Variants in DNAH5 observed in about 807,000 individuals in gnomAD.
DNAH5 encodes dynein axonemal heavy chain 5, also known as axonemal beta dynein heavy chain 5.
Under a neutral mutation model 518.2 loss-of-function variants are expected in DNAH5, and 372 were observed. The ratio of observed to expected loss-of-function variants is 0.72; its 90% CI spans 0.66 to 0.78. The LOEUF is 0.78. Among genes scored for constraint, DNAH5 ranks in the 30% least tolerant of loss-of-function variants. DNAH5 has a pLI of 0.00. For missense variants in DNAH5, 5,523 were observed against 5,687.0 expected, an observed-to-expected ratio of 0.97 and a Z score of 0.93; for synonymous variants, 2,039 against 2,025.9, an observed-to-expected ratio of 1.01 and a Z score of -0.17.
intron 31 of DNAH5, among the ~76,000 whole-genome samples, chr5:13,849,145 A>G: frequency 6.6e-6 from 1 of 152,254 alleles, no homozygotes; most frequent in East Asian, 1.9e-4. Flanking sequence ...CTTTCCTAAA[A>G]GTCCACAAAC....
intron 78 of DNAH5, 55 bp from the exon 79 acceptor site, chr5:13,692,190 G>A: frequency 6.3e-7 from 1 of 1,588,060 alleles, no homozygotes; most frequent in South Asian, 1.1e-5. Context: ...TAGAGCCCAA[G>A]GAGAATGCAG....
chr5:13,889,903 G>T (rs1488203037), intron 17 of DNAH5, among the ~76,000 whole-genome samples: 1 of 152,026 alleles, frequency 6.6e-6, no homozygotes, highest in African/African-American at 2.4e-5. Context: ...CTCCTAGTGG[G>T]GGTGGTCTTG....
chr5:13,982,083 G>C (rs975030091), intron 1 of DNAH5, among the ~76,000 whole-genome samples: 2 of 152,174 alleles, frequency 1.3e-5, no homozygotes, highest in Non-Finnish European at 2.9e-5. Context: ...TACTTCCCTC[G>C]TTATGCTTCA....
intron 31 of DNAH5, 85 bp from the exon 32 acceptor site, chr5:13,845,078 G>A: frequency 7.6e-7 from 1 of 1,324,058 alleles, no homozygotes; most frequent in Non-Finnish European, 1.1e-6. Context: ...GGGAAAAGGG[G>A]AGAAGATTGT....
chr5:13,869,013 A>T lies in DNAH5; in HGVS notation c.3835-1021T>A, dbSNP rs532667414. ...TGTTCTTAATTCCTAGGTGGGAGAA[A>T]ATAGGATTGTCAGTTACTGTACCTC... On this transcript the variant is annotated intron_variant, in intron 24 of 78. Coordinates refer to ENST00000265104, the MANE Select transcript of DNAH5 (RefSeq NM_001369.3). Among the ~76,000 whole-genome samples, 107 of 152,284 alleles carry T rather than the reference A, an allele frequency of 7.0e-4. 1 individual carries two copies. The Middle Eastern group carries it at 0.01, about 15-fold the overall frequency.
chr5:13,794,321 C>A (rs1191482418), intron 47 of DNAH5, among the ~76,000 whole-genome samples: 1 of 152,212 alleles, frequency 6.6e-6, no homozygotes, highest in Non-Finnish European at 1.5e-5. Context: ...CTCGTCTGTC[C>A]ATTTCTAAAA....
chr5:13,765,117 C>T (rs1752344196), intron 59 of DNAH5, among the ~76,000 whole-genome samples: 1 of 152,196 alleles, frequency 6.6e-6, no homozygotes, highest in Admixed American at 6.5e-5. Flanking sequence ...CTCTTCTCAA[C>T]TCTAGATTCA....
chr5:13,722,970 G>A (rs1203444909), intron 70 of DNAH5, among the ~76,000 whole-genome samples: 1 of 152,206 alleles, frequency 6.6e-6, no homozygotes, highest in Non-Finnish European at 1.5e-5. Flanking sequence ...CTAGGCCACT[G>A]GCAATGAAAT....
At position 13,713,440 on chromosome 5, in the gene DNAH5, T is replaced by TATATAC. The variant is rs1400899654; in HGVS notation, c.13125+964_13125+965insGTATAT. Reference sequence around the variant, plus strand: ...ATATATATATATACATCGACATATATATATATATATATATATATATATATA... The same window carrying TATATAC: ...ATATATATATATACATCGACATATATATATACATATATATATATATATATATATATA... On this transcript the variant is annotated intron_variant, in intron 75 of 78. Transcript: ENST00000265104. Among the ~76,000 whole-genome samples, 38 of 115,728 alleles carry TATATAC rather than the reference T, an allele frequency of 3.3e-4. 1 individual carries two copies. The highest frequency in any genetic ancestry group is 4.3e-4 in the Non-Finnish European group (26 of 59,946). 75.9% of individuals were successfully genotyped at this position (115,728 alleles called of 152,430 possible).
chr5:13,979,213 A>G (rs1010991137), intron 1 of DNAH5, among the ~76,000 whole-genome samples: 4 of 152,088 alleles, frequency 2.6e-5, no homozygotes, highest in African/African-American at 7.2e-5. Context: ...CTACATGTCC[A>G]GCAAGTCCCT....
At chr5:14,009,024 T>C (rs1471797979) in intron 1 of DNAH5, among the ~76,000 whole-genome samples, 4 of 152,230 alleles carry the variant, frequency 2.6e-5, no homozygotes, top group African/African-American at 7.2e-5. Flanking sequence ...AACTCAACAT[T>C]CTGGGAAATA....
At chr5:13,721,537 A>G (rs1295038825) in intron 70 of DNAH5, among the ~76,000 whole-genome samples, 1 of 152,200 alleles carries the variant, frequency 6.6e-6, no homozygotes, top group Non-Finnish European at 1.5e-5. Flanking sequence ...CTGCTAGACC[A>G]GAAAATAAAA....
At chr5:13,768,800 G>C (rs1015110671) in intron 58 of DNAH5, among the ~76,000 whole-genome samples, 160 bp downstream of exon 58, 5 of 152,188 alleles carry the variant, frequency 3.3e-5, no homozygotes, top group Non-Finnish European at 5.9e-5. Context: ...CCTATAAAGA[G>C]CTAATAAAGT....
At chr5:13,920,675 G>A (rs1459229220) in intron 5 of DNAH5, 58 bp from the exon 6 acceptor site, 1 of 1,597,470 alleles carries the variant, frequency 6.3e-7, no homozygotes, top group Non-Finnish European at 8.6e-7. Context: ...CACAGACTGT[G>A]GGCCCTGTGT....
intron 1 of DNAH5, among the ~76,000 whole-genome samples, chr5:13,981,619 C>T (rs561757143): frequency 3.3e-5 from 5 of 152,194 alleles, no homozygotes; most frequent in African/African-American, 4.8e-5. Flanking sequence ...CTGCTCTCAT[C>T]GGTGCTACCA....
chr5:13,793,738 A>G lies in DNAH5; in HGVS notation c.8011-10T>C, dbSNP rs1439825630. On this transcript the variant is annotated splice_polypyrimidine_tract_variant and intron_variant, in intron 48 of 78. Transcript: ENST00000265104. ...CTATCTCATTCGTAACCTACAAAAG[A>G]CAACTTTCAGAATTAAAGCATCATT... is the stretch of plus-strand genomic sequence containing the variant. 4 of 1,612,932 alleles carry G rather than the reference A, an allele frequency of 2.5e-6. No individual in the cohort carries two copies. The highest frequency in any genetic ancestry group is 3.4e-6 in the Non-Finnish European group (4 of 1,179,208).
intron 43 of DNAH5, among the ~76,000 whole-genome samples, chr5:13,813,248 A>G (rs1049649802): frequency 6.6e-6 from 1 of 152,214 alleles, no homozygotes; most frequent in African/African-American, 2.4e-5. Flanking sequence ...CTCAGTATGG[A>G]CAGACTATAG....
intron 31 of DNAH5, among the ~76,000 whole-genome samples, chr5:13,847,808 G>A (rs1580561001): frequency 1.3e-5 from 2 of 152,038 alleles, no homozygotes; most frequent in African/African-American, 4.8e-5. Context: ...GTGGTGGTGG[G>A]TGGAAGATGA....
intron 1 of DNAH5, among the ~76,000 whole-genome samples, chr5:13,997,693 C>T (rs1446217274): frequency 6.6e-6 from 1 of 152,212 alleles, no homozygotes; most frequent in Non-Finnish European, 1.5e-5. Flanking sequence ...TGCCCATTTC[C>T]CTGTTCTAAA....
Sources: allele counts gnomAD v4.1 joint callset (sites outside exome capture counted in the v4.1 genomes callset), GRCh38; gene constraint gnomAD v4.1.1; transcripts MANE v1.5; gene names NCBI Gene and HGNC (gene_info 2026-07-23, HGNC 2026-07-21).